GRID2: variants seen among roughly 807,000 people sequenced by gnomAD.
GRID2 encodes the protein glutamate ionotropic receptor delta type subunit 2.
GRID2 carries 33 observed loss-of-function variants against 114.8 expected under a neutral mutation model. The observed-to-expected ratio is 0.29, with a 90% CI of 0.22 to 0.38. The LOEUF (loss-of-function observed/expected upper bound fraction) is 0.38, where lower values mean the gene tolerates loss of function less well. GRID2 is among the 10% of genes least tolerant of loss of function. GRID2 has a pLI of 1.00. For synonymous variants in GRID2, 505 were observed against 449.9 expected, an observed-to-expected ratio of 1.12 and a Z score of -1.55; for missense variants, 1,184 against 1,257.7, an observed-to-expected ratio of 0.94 and a Z score of 0.89.
chr4:92,525,220 A>G (rs1208473708), intron 1 of GRID2, among the ~76,000 whole-genome samples: 3 of 152,084 alleles, frequency 2.0e-5, no homozygotes, highest in African/African-American at 7.2e-5. Context: ...GAGAATATTC[A>G]GAGAATAGGA....
At chr4:93,494,166 T>C (rs1054183193) in intron 12 of GRID2, among the ~76,000 whole-genome samples, 4 of 151,870 alleles carry the variant, frequency 2.6e-5, no homozygotes, top group Non-Finnish European at 5.9e-5. Flanking sequence ...TAGCATTCAA[T>C]GTCATGCTTC....
intron 1 of GRID2, among the ~76,000 whole-genome samples, chr4:92,365,487 G>A (rs1482794595): frequency 6.6e-6 from 1 of 151,408 alleles, no homozygotes; most frequent in African/African-American, 2.4e-5. Context: ...GGGTGGTGCT[G>A]GTGGTGGTGG....
At chr4:93,476,987 C>T (rs1233373275) in intron 11 of GRID2, among the ~76,000 whole-genome samples, 3 of 152,130 alleles carry the variant, frequency 2.0e-5, no homozygotes, top group Non-Finnish European at 2.9e-5. Context: ...TTTTGTTTCA[C>T]TATAAGAAAA....
At chr4:93,608,111 C>G (rs986853667) in intron 13 of GRID2, among the ~76,000 whole-genome samples, 10 of 148,694 alleles carry the variant, frequency 6.7e-5, no homozygotes, top group South Asian at 2.1e-4. Context: ...TATATACACA[C>G]ACACATATAT....
intron 14 of GRID2, among the ~76,000 whole-genome samples, chr4:93,636,084 G>T (rs901485229): frequency 1.3e-5 from 2 of 152,058 alleles, no homozygotes; most frequent in Non-Finnish European, 2.9e-5. Context: ...AGATGCAACA[G>T]TACCCTTAAT....
intron 4 of GRID2, among the ~76,000 whole-genome samples, chr4:93,118,798 C>G (rs568041237): frequency 6.6e-5 from 10 of 152,220 alleles, no homozygotes; most frequent in Non-Finnish European, 1.3e-4. Context: ...GAGACACAAC[C>G]AAGTTCAGCA....
At chr4:93,764,743 CAA>C (rs1440823137) in intron 14 of GRID2, among the ~76,000 whole-genome samples, 4 of 152,164 alleles carry the variant, frequency 2.6e-5, no homozygotes, top group African/African-American at 9.7e-5. Flanking sequence ...TACAGCCCCA[CAA>C]AGTCTATACT....
chr4:92,907,865 A>T (rs1748076531), intron 2 of GRID2, among the ~76,000 whole-genome samples: 1 of 152,062 alleles, frequency 6.6e-6, no homozygotes, highest in South Asian at 2.1e-4. Flanking sequence ...CTCTACAAAA[A>T]CACAAAAATT....
intron 13 of GRID2, among the ~76,000 whole-genome samples, chr4:93,578,294 T>C (rs1476183031): frequency 6.6e-6 from 1 of 152,062 alleles, no homozygotes; most frequent in Non-Finnish European, 1.5e-5. Context: ...GAAAAATAGG[T>C]ATTTTGAGAG....
At chr4:92,485,328 ATATATATATATATATATATAGTGT>A (rs1560662887) in intron 1 of GRID2, among the ~76,000 whole-genome samples, 1 of 103,374 alleles carries the variant, frequency 9.7e-6, no homozygotes, top group African/African-American at 3.4e-5. Flanking sequence ...ATATATATAT[ATATATATATATATATATATAGTGT>A]GTGTGTGTGT....
At chr4:92,415,750 A>G (rs969295992) in intron 1 of GRID2, among the ~76,000 whole-genome samples, 6,222 of 97,752 alleles carry the variant, frequency 0.064, 265 homozygotes, top group African/African-American at 0.09. Flanking sequence ...GTATATATAT[A>G]TATATATATA....
chr4:93,633,271 TTAAG>T (rs1488326601), intron 14 of GRID2, among the ~76,000 whole-genome samples: 3 of 151,936 alleles, frequency 2.0e-5, no homozygotes, highest in East Asian at 1.9e-4. Context: ...TTTTTTCCTA[TTAAG>T]TATTAGAATA....
chr4:93,551,574 C>G (rs570357107), intron 13 of GRID2, among the ~76,000 whole-genome samples: 76 of 152,272 alleles, frequency 5.0e-4, no homozygotes, highest in Non-Finnish European at 7.3e-4. Flanking sequence ...TGTAGTGTTT[C>G]ATAGGTAATG....
chr4:92,944,968 G>C (rs1249157665), intron 2 of GRID2, among the ~76,000 whole-genome samples: 1 of 152,026 alleles, frequency 6.6e-6, no homozygotes, highest in African/African-American at 2.4e-5. Context: ...ATTTGCCACT[G>C]TTTTCATGGA....
intron 1 of GRID2, among the ~76,000 whole-genome samples, chr4:92,329,992 A>AG (rs1469294586): frequency 6.0e-4 from 67 of 111,616 alleles, no homozygotes; most frequent in African/African-American, 1.9e-3. Flanking sequence ...GTATGGGAGG[A>AG]AAGAGAGAGA....
intron 2 of GRID2, among the ~76,000 whole-genome samples, chr4:92,665,687 C>T (rs1732735789): frequency 6.7e-6 from 1 of 150,214 alleles, no homozygotes; most frequent in Non-Finnish European, 1.5e-5. Context: ...ATAATTTTAC[C>T]ACATATAGGA....
At chr4:93,108,197 C>T (rs1437655884) in intron 3 of GRID2, among the ~76,000 whole-genome samples, 2 of 152,196 alleles carry the variant, frequency 1.3e-5, no homozygotes, top group Admixed American at 6.5e-5. Flanking sequence ...ATATCCTCCT[C>T]CTCACCCTAT....
intron 2 of GRID2, among the ~76,000 whole-genome samples, chr4:92,628,096 A>G (rs1730610921): frequency 6.6e-6 from 1 of 152,188 alleles, no homozygotes; most frequent in Non-Finnish European, 1.5e-5. Context: ...TGTCCTTAAT[A>G]TAATTGAGAG....
chr4:93,010,475 A>G (rs114706841), intron 2 of GRID2, among the ~76,000 whole-genome samples: 1,590 of 152,120 alleles, frequency 0.01, 21 homozygotes, highest in African/African-American at 0.036. Flanking sequence ...GGGAAGGTAC[A>G]TGGAAAGGGG....
Sources: gnomAD v4.1 joint callset for allele counts (sites outside exome capture counted in the v4.1 genomes callset) on GRCh38, gnomAD v4.1.1 for gene constraint, MANE v1.5 for transcripts, NCBI Gene and HGNC (gene_info 2026-07-23, HGNC 2026-07-21) for gene names.